KPNA1: variants seen among roughly 807,000 people sequenced by gnomAD.
The protein encoded by KPNA1 is importin subunit alpha-5.
KPNA1 carries 10 observed loss-of-function variants against 70.5 expected under a neutral mutation model. The ratio of observed to expected loss-of-function variants is 0.14; its 90% CI spans 0.09 to 0.24. The LOEUF (loss-of-function observed/expected upper bound fraction) is 0.24. KPNA1 is among the 10% of genes least tolerant of loss of function. The pLI is 1.00. For missense variants in KPNA1, 397 were observed against 637.9 expected (o/e 0.62, Z 4.07); for synonymous variants, 192 against 221.9 (o/e 0.87, Z 1.20).
chr3:122,469,949 G>C (rs2076422658), intron 2 of KPNA1, among the ~76,000 whole-genome samples: 1 of 152,044 alleles, frequency 6.6e-6, no homozygotes, highest in Admixed American at 6.6e-5. Context: ...CAAAAATAAA[G>C]ATTTTTTTCA....
intron 3 of KPNA1, among the ~76,000 whole-genome samples, chr3:122,467,004 A>AACAT (rs2076387504): frequency 1.8e-5 from 2 of 112,686 alleles, no homozygotes; most frequent in South Asian, 6.3e-4. Flanking sequence ...CTGTCTCTAA[A>AACAT]ACATAAATAA....
intron 1 of KPNA1, among the ~76,000 whole-genome samples, chr3:122,512,504 G>A (rs939873538): frequency 3.9e-5 from 6 of 152,302 alleles, no homozygotes; most frequent in African/African-American, 7.2e-5. Context: ...GGCGGATTGC[G>A]TGAGCTCAGG....
intron 1 of KPNA1, 168 bp downstream of exon 1, chr3:122,514,589 C>T (rs2076996357): frequency 1.3e-5 from 2 of 152,124 alleles, no homozygotes; most frequent in Admixed American, 6.6e-5. Flanking sequence ...TTAGGACAGC[C>T]GGGCCCGTGA....
intron 1 of KPNA1, among the ~76,000 whole-genome samples, chr3:122,503,473 A>G (rs1006041106): frequency 2.0e-5 from 3 of 152,252 alleles, no homozygotes; most frequent in African/African-American, 7.2e-5. Flanking sequence ...TGTCATAGGC[A>G]GCAAGTTGAA....
intron 2 of KPNA1, among the ~76,000 whole-genome samples, chr3:122,494,009 G>A (rs2076729613): frequency 6.6e-6 from 1 of 151,984 alleles, no homozygotes; most frequent in Non-Finnish European, 1.5e-5. Flanking sequence ...TAATGGAGTT[G>A]TTTTTTTCTT....
chr3:122,475,441 G>T (rs980191165), intron 2 of KPNA1, among the ~76,000 whole-genome samples: 1 of 152,124 alleles, frequency 6.6e-6, no homozygotes, highest in Non-Finnish European at 1.5e-5. Flanking sequence ...GCTATCTACA[G>T]ATTCAATGTA....
intron 6 of KPNA1, 133 bp from the exon 7 acceptor site, chr3:122,452,197 T>C (rs1387070726): frequency 1.4e-6 from 1 of 738,522 alleles, no homozygotes; most frequent in South Asian, 1.5e-5. Flanking sequence ...GGGAGGAAGA[T>C]AAATAATATC....
At chr3:122,491,850 A>ATTTTTTTTTTT (rs67916227) in intron 2 of KPNA1, among the ~76,000 whole-genome samples, 1 of 64,826 alleles carries the variant, frequency 1.5e-5, no homozygotes, top group African/African-American at 5.7e-5. Context: ...TGACCATCAC[A>ATTTTTTTTTTT]TTTTTTTTTT....
chr3:122,440,479 A>G (rs940536774), intron 10 of KPNA1, among the ~76,000 whole-genome samples: 1 of 152,206 alleles, frequency 6.6e-6, no homozygotes, highest in East Asian at 1.9e-4. Flanking sequence ...ATATGGCAAA[A>G]GCATACAGCA....
chr3:122,475,171 A>T (rs1447324213), intron 2 of KPNA1, among the ~76,000 whole-genome samples: 3 of 152,226 alleles, frequency 2.0e-5, no homozygotes, highest in East Asian at 1.9e-4. Flanking sequence ...TAGGATATAA[A>T]ATCAATAAAC....
chr3:122,510,757 G>A (rs890213377), intron 1 of KPNA1, among the ~76,000 whole-genome samples: 4 of 152,106 alleles, frequency 2.6e-5, no homozygotes, highest in African/African-American at 9.7e-5. Flanking sequence ...AAACACAAGA[G>A]GAAACAGCTA....
chr3:122,474,738 T>G (rs1161933776), intron 2 of KPNA1, among the ~76,000 whole-genome samples: 2 of 152,098 alleles, frequency 1.3e-5, no homozygotes, highest in East Asian at 3.8e-4. Flanking sequence ...TGAATCACAT[T>G]AACAGAATGA....
At chr3:122,463,329 CAG>C (rs1183232750) in intron 4 of KPNA1, among the ~76,000 whole-genome samples, 1 of 138,158 alleles carries the variant, frequency 7.2e-6, no homozygotes, top group African/African-American at 2.7e-5. Context: ...GCCTGGGCGA[CAG>C]AGTGAGACTC....
Position 122,426,928 on chromosome 3 carries a change from A to G in KPNA1, c.*57T>C. 7.1e-7 allele frequency: 1 copy of G among 1,412,166 alleles called. No individual in the cohort carries two copies. The highest frequency in any genetic ancestry group is 9.9e-7 in the Non-Finnish European group (1 of 1,008,426). 87.5% of individuals were successfully genotyped at this position (1,412,166 alleles called of 1,614,324 possible). On this transcript the variant is annotated 3_prime_UTR_variant, in exon 14 of 14. Coordinates refer to ENST00000344337, the MANE Select transcript of KPNA1 (RefSeq NM_002264.4). Reference sequence around the variant, plus strand: ...CTCCATGAGGACTGTGGGCTCCACAAGAGGACTCGACTGGGTAGCCTGGTC... The same window carrying G: ...CTCCATGAGGACTGTGGGCTCCACAGGAGGACTCGACTGGGTAGCCTGGTC...
intron 2 of KPNA1, among the ~76,000 whole-genome samples, chr3:122,472,939 G>C (rs957068139): frequency 2.4e-4 from 36 of 152,184 alleles, no homozygotes; most frequent in African/African-American, 8.4e-4. Flanking sequence ...AAATTAGCCA[G>C]GTGTGGTGGC....
chr3:122,451,148 A>G (rs995435192), intron 8 of KPNA1, among the ~76,000 whole-genome samples: 1 of 152,154 alleles, frequency 6.6e-6, no homozygotes, highest in Admixed American at 6.5e-5. Context: ...CTATTGGAAA[A>G]AAAAAAAGAA....
At chr3:122,490,482 C>T (rs1207818645) in intron 2 of KPNA1, among the ~76,000 whole-genome samples, 1 of 152,180 alleles carries the variant, frequency 6.6e-6, no homozygotes, top group Non-Finnish European at 1.5e-5. Context: ...TCCATTTTGG[C>T]CAGAAGCAGA....
intron 10 of KPNA1, among the ~76,000 whole-genome samples, chr3:122,440,449 A>G (rs1009357795): frequency 8.5e-5 from 13 of 152,252 alleles, no homozygotes; most frequent in African/African-American, 2.7e-4. Context: ...GAGAGTGGCC[A>G]CAGCCAATTC....
At chr3:122,468,527 T>A (rs796553606) in intron 2 of KPNA1, among the ~76,000 whole-genome samples, 2 of 152,186 alleles carry the variant, frequency 1.3e-5, no homozygotes, top group South Asian at 4.1e-4. Context: ...AGTAGTTTCT[T>A]TTACCCAGTA....
Sources: allele counts gnomAD v4.1 joint callset (sites outside exome capture counted in the v4.1 genomes callset), GRCh38; gene constraint gnomAD v4.1.1; transcripts MANE v1.5; gene names NCBI Gene and HGNC (gene_info 2026-07-23, HGNC 2026-07-21).